Variants in PGA3 observed in about 807,000 individuals in gnomAD.
PGA3 encodes the protein pepsin A-3.
PGA3 carries 1 observed loss-of-function variant against 15.6 expected under a neutral mutation model. That is an observed-to-expected ratio of 0.06 (90% CI 0.02 to 0.30). PGA3 has a LOEUF of 0.30. PGA3 is among the 10% of genes least tolerant of loss of function. PGA3 has a pLI of 1.00. For synonymous variants in PGA3, 14 were observed against 79.5 expected (o/e 0.18, Z 4.38); for missense variants, 29 against 183.7 (o/e 0.16, Z 4.87).
chr11:61,205,197 T>A (rs926708111), intron 2 of PGA3, among the ~76,000 whole-genome samples: 3 of 151,912 alleles, frequency 2.0e-5, no homozygotes, highest in Non-Finnish European at 4.4e-5. Context: ...TCAGAGGATG[T>A]TGCCAGGAAT....
intron 2 of PGA3, among the ~76,000 whole-genome samples, chr11:61,205,185 C>T (rs547824330): frequency 2.6e-5 from 4 of 151,992 alleles, no homozygotes; most frequent in East Asian, 1.9e-4. Flanking sequence ...TAATATCTAC[C>T]GTCAGAGGAT....
intron 2 of PGA3, among the ~76,000 whole-genome samples, chr11:61,205,183 A>G (rs1358681940): frequency 6.6e-6 from 1 of 151,902 alleles, no homozygotes; most frequent in African/African-American, 2.4e-5. Flanking sequence ...ACTAATATCT[A>G]CCGTCAGAGG....
Position 61,204,108 on chromosome 11 carries a change from G to T in PGA3, c.58G>T (p.Val20Phe). 1 of 1,273,680 alleles carries T rather than the reference G, an allele frequency of 7.9e-7. No homozygotes were observed. Among genetic ancestry groups the T allele is most frequent in the Non-Finnish European group, 1.1e-6 (1 of 908,382 alleles). 78.9% of individuals were successfully genotyped at this position (1,273,680 alleles called of 1,614,324 possible). Residue 20 changes from valine to phenylalanine, a missense_variant and splice_region_variant, in exon 2 of 9, where the codon GTC (valine) becomes TTC (phenylalanine). Val to Phe is a conservative substitution (Grantham distance 50). This residue lies in a region of PGA3 where 19 missense variants were observed against 77.9 expected (regional missense o/e 0.24). Coordinates refer to ENST00000325558, the MANE Select transcript of PGA3 (RefSeq NM_001079807.4). The part of the protein sequence containing the change: ...VALSECIMYK[V>F]PLIRKKSLRR... The stretch of plus-strand genomic sequence containing the variant: ...TCCTCTTCCTTCTCCAAACCACAGG[G>T]TCCCCCTCATCAGAAAGAAGTCCTT...
At chr11:61,207,642 TC>T (rs1299144385) in intron 4 of PGA3, 27 bp downstream of exon 4, 1 of 642,832 alleles carries the variant, frequency 1.6e-6, no homozygotes, top group South Asian at 1.6e-5. Flanking sequence ...TGCCGCTGCA[TC>T]CCCCCATCAG....
intron 2 of PGA3, among the ~76,000 whole-genome samples, chr11:61,205,387 A>G (rs1338288688): frequency 2.0e-5 from 3 of 152,170 alleles, no homozygotes; most frequent in African/African-American, 7.2e-5. Flanking sequence ...TGGAGCTTAT[A>G]CTCTAAAGGG....
chr11:61,205,576 A>T (rs1324053873), intron 2 of PGA3: 2 of 140,826 alleles, frequency 1.4e-5, no homozygotes, highest in Non-Finnish European at 3.2e-5. Flanking sequence ...TTGATTTTTG[A>T]TAAAAGGATC....
rs1378737468 is a variant in PGA3 at position 61,205,388 on chromosome 11, C to T, written c.219+1119C>T. 3.3e-5 allele frequency among the ~76,000 whole-genome samples: 5 copies of T among 152,280 alleles called. No homozygotes were observed. The East Asian group carries it at 5.8e-4, about 18-fold the overall frequency. On this transcript the variant is annotated intron_variant, in intron 2 of 8. Coordinates refer to ENST00000325558, the MANE Select transcript of PGA3 (RefSeq NM_001079807.4). ...ATAATCAAAGTTCCTGGAGCTTATACTCTAAAGGGGATGACAAATAAACAA... is the reference window on the plus strand; with the variant it reads ...ATAATCAAAGTTCCTGGAGCTTATATTCTAAAGGGGATGACAAATAAACAA...
intron 2 of PGA3, chr11:61,206,243 GA>G (rs1219843836): frequency 1.4e-5 from 1 of 72,618 alleles, no homozygotes; most frequent in Non-Finnish European, 3.1e-5. Flanking sequence ...GCTAAAGAGG[GA>G]ACAGCAGATT....
At chr11:61,203,712 C>G in intron 1 of PGA3, 92 bp downstream of exon 1, 5 of 1,602,426 alleles carry the variant, frequency 3.1e-6, no homozygotes, top group South Asian at 1.1e-5. Context: ...TTCTCCCTCT[C>G]TATTCAGCTG....
At chr11:61,211,856 G>A (rs1853951573) in intron 8 of PGA3, among the ~76,000 whole-genome samples, 2 of 151,372 alleles carry the variant, frequency 1.3e-5, no homozygotes, top group South Asian at 4.2e-4. Flanking sequence ...AGCTACCAAG[G>A]GTTGGGCAAA....
chr11:61,205,097 G>A (rs1228061079), intron 2 of PGA3, among the ~76,000 whole-genome samples: 1 of 152,084 alleles, frequency 6.6e-6, no homozygotes, highest in Non-Finnish European at 1.5e-5. Flanking sequence ...ATGGGTCCTA[G>A]TGCCTCTAAG....
intron 6 of PGA3, 133 bp from the exon 7 acceptor site, chr11:61,210,956 AC>A: frequency 7.9e-6 from 1 of 126,558 alleles, no homozygotes; most frequent in Non-Finnish European, 1.5e-5. Flanking sequence ...GAGTGCGTGA[AC>A]GAGAGGAACA....
At chr11:61,205,137 A>G (rs1365693063) in intron 2 of PGA3, among the ~76,000 whole-genome samples, 2 of 151,632 alleles carry the variant, frequency 1.3e-5, no homozygotes, top group African/African-American at 4.8e-5. Context: ...TCATTTAAAT[A>G]CTCTGAGCCT....
chr11:61,211,044 A>T (rs1166784792), intron 6 of PGA3, 46 bp from the exon 7 acceptor site: 21 of 263,088 alleles, frequency 8.0e-5, no homozygotes, highest in South Asian at 4.3e-4. Context: ...CTTGGAGAGA[A>T]GTACCCCTGA....
chr11:61,205,355 G>T (rs1853912718), intron 2 of PGA3, among the ~76,000 whole-genome samples: 1 of 152,094 alleles, frequency 6.6e-6, no homozygotes, highest in African/African-American at 2.4e-5. Context: ...TTGCCAAAAT[G>T]ATGGTGAATA....
Position 61,203,714 on chromosome 11 carries a change from A to C in PGA3, c.56+94A>C, listed in dbSNP as rs1610780. The C allele has an allele frequency of 2.8e-4, 441 of 1,593,958 alleles. 10 individuals carry two copies. Among genetic ancestry groups the C allele is most frequent in the East Asian group, 2.3e-3 (103 of 44,308 alleles). On this transcript the variant is annotated intron_variant, in intron 1 of 8. Transcript: ENST00000325558. ...CTTCTTCCCTTTTTTCTCCCTCTCT[A>C]TTCAGCTGTCTCCATCCCCCTTTTC...
At position 61,211,575 on chromosome 11, in the gene PGA3, C is replaced by T; in HGVS notation, c.1017+140C>T. 2 of 1,085,512 alleles carry T rather than the reference C, an allele frequency of 1.8e-6. 1 individual carries two copies. Among genetic ancestry groups the T allele is most frequent in the Non-Finnish European group, 2.7e-6 (2 of 739,012 alleles). The allele number at this position is 1,085,512 out of a possible 1,614,324, so 67.2% of individuals were successfully genotyped here. ...ACGAACATCTGCCCTAGACAGCCTC[C>T]AGAGAAAAAGAATATATTAAAAACA... On this transcript the variant is annotated intron_variant, in intron 8 of 8. Transcript: ENST00000325558.
chr11:61,212,308 AG>A (rs1325086772), intron 8 of PGA3, among the ~76,000 whole-genome samples: 1 of 10,554 alleles, frequency 9.5e-5, no homozygotes, highest in African/African-American at 2.8e-4. Flanking sequence ...TGCTGATGTC[AG>A]GGTTCGTGTG....
rs550541509 is a variant in PGA3 at position 61,205,384 on chromosome 11, T to C, written c.219+1115T>C. Among the ~76,000 whole-genome samples, 51 of 152,276 alleles carry C rather than the reference T, an allele frequency of 3.3e-4. 1 individual carries two copies. Among genetic ancestry groups the C allele is most frequent in the African/African-American group, 1.2e-3 (50 of 41,540 alleles). On this transcript the variant is annotated intron_variant, in intron 2 of 8. Coordinates refer to ENST00000325558, the MANE Select transcript of PGA3 (RefSeq NM_001079807.4). The stretch of plus-strand genomic sequence containing the variant: ...GTGAATAATCAAAGTTCCTGGAGCT[T>C]ATACTCTAAAGGGGATGACAAATAA...
Sources: gnomAD v4.1 joint callset for allele counts (sites outside exome capture counted in the v4.1 genomes callset) on GRCh38, gnomAD v4.1.1 for gene constraint, gnomAD v4.1.1 regional missense constraint, MANE v1.5 for transcripts, NCBI Gene and HGNC (gene_info 2026-07-23, HGNC 2026-07-21) for gene names.